The following DRC11 variants were observed in gnomAD, a reference collection of about 807,000 sequenced individuals.
DRC11 encodes the protein dynein regulatory complex subunit 11, also known as IQ and AAA domain-containing protein 1.
At chr2:236,400,324 C>T in the DRC11 span, among the ~76,000 whole-genome samples, 1 of 151,304 alleles carries the variant, frequency 6.6e-6, no homozygotes, top group East Asian at 2.0e-4. This position sits in a 1 kb window ranked among gnomAD's most constrained non-coding sequence, Gnocchi z 7.9. Flanking sequence ...CCATCCTTGG[C>T]TCCTGCTGCT....
chr2:236,381,544 T>C, the DRC11 span, among the ~76,000 whole-genome samples: 1 of 152,202 alleles, frequency 6.6e-6, no homozygotes, highest in Admixed American at 6.5e-5. This position sits in a 1 kb window ranked among gnomAD's most constrained non-coding sequence, Gnocchi z 5.8. Flanking sequence ...AGAACGTTGT[T>C]ATAGCAGTCC....
the DRC11 span, among the ~76,000 whole-genome samples, chr2:236,404,174 A>AAG: frequency 6.6e-6 from 1 of 151,554 alleles, no homozygotes; most frequent in South Asian, 2.1e-4. Context: ...AAAAAAAAAA[A>AAG]AAAAAGAAAA....
chr2:236,357,645 T>TATATA, the DRC11 span, among the ~76,000 whole-genome samples: 1 of 126,676 alleles, frequency 7.9e-6, no homozygotes, highest in Non-Finnish European at 1.5e-5. Flanking sequence ...AATATGTAAA[T>TATATA]ATATAAATTA....
At chr2:236,490,307 G>A in the DRC11 span, among the ~76,000 whole-genome samples, 10 of 152,308 alleles carry the variant, frequency 6.6e-5, no homozygotes, top group African/African-American at 2.2e-4. The surrounding 1 kb of genome is among the most constrained non-coding windows in gnomAD (Gnocchi z 5.5). Context: ...GCAAGGCCCC[G>A]TGGGTAAGAA....
At chr2:236,465,513 G>A in the DRC11 span, 197 of 1,613,580 alleles carry the variant, frequency 1.2e-4, 1 homozygote, top group South Asian at 1.6e-3. The surrounding 1 kb of genome is among the most constrained non-coding windows in gnomAD (Gnocchi z 6.2). Flanking sequence ...ACCTGCATTC[G>A]ATGAACCAAT....
At chr2:236,485,303 TAC>T in the DRC11 span, among the ~76,000 whole-genome samples, 23 of 152,218 alleles carry the variant, frequency 1.5e-4, no homozygotes, top group Admixed American at 5.9e-4. Context: ...CATATACACA[TAC>T]ATACATATTT....
the DRC11 span, among the ~76,000 whole-genome samples, chr2:236,418,013 A>G: frequency 6.6e-6 from 1 of 152,152 alleles, no homozygotes; most frequent in Admixed American, 6.5e-5. Context: ...AGTCTTTGCT[A>G]TTGTAAATAG....
At chr2:236,362,093 G>C in the DRC11 span, among the ~76,000 whole-genome samples, 15 of 152,254 alleles carry the variant, frequency 9.9e-5, no homozygotes, top group East Asian at 2.9e-3. This position sits in a 1 kb window ranked among gnomAD's most constrained non-coding sequence, Gnocchi z 5.7. Flanking sequence ...TCTCATAACA[G>C]TGCTTCAACA....
the DRC11 span, among the ~76,000 whole-genome samples, chr2:236,457,772 T>C: frequency 6.6e-5 from 10 of 152,152 alleles, no homozygotes; most frequent in Admixed American, 2.6e-4. This position sits in a 1 kb window ranked among gnomAD's most constrained non-coding sequence, Gnocchi z 4.7. Flanking sequence ...AGCCAAGGAA[T>C]GCTGGAAGCC....
the DRC11 span, among the ~76,000 whole-genome samples, chr2:236,340,543 G>A: frequency 6.6e-6 from 1 of 152,142 alleles, no homozygotes; most frequent in Non-Finnish European, 1.5e-5. Flanking sequence ...AGCAGGTGGT[G>A]GGAGTGACTG....
chr2:236,397,606 T>C, the DRC11 span, among the ~76,000 whole-genome samples: 1 of 152,210 alleles, frequency 6.6e-6, no homozygotes, highest in Non-Finnish European at 1.5e-5. This position sits in a 1 kb window ranked among gnomAD's most constrained non-coding sequence, Gnocchi z 5.0. Flanking sequence ...GTGTGGGAGT[T>C]ATCTTATAGG....
chr2:236,412,973 G>C, the DRC11 span: 1 of 152,276 alleles, frequency 6.6e-6, no homozygotes, highest in Admixed American at 6.6e-5. Context: ...TCTTGGTCAG[G>C]TGGTTGCCGT....
chr2:236,431,714 T>C, the DRC11 span, among the ~76,000 whole-genome samples: 1 of 152,234 alleles, frequency 6.6e-6, no homozygotes, highest in Admixed American at 6.5e-5. This position sits in a 1 kb window ranked among gnomAD's most constrained non-coding sequence, Gnocchi z 4.2. Context: ...TGTTTCAGTA[T>C]GGCATAACAC....
At chr2:236,468,461 G>A in the DRC11 span, among the ~76,000 whole-genome samples, 1 of 151,996 alleles carries the variant, frequency 6.6e-6, no homozygotes, top group Non-Finnish European at 1.5e-5. Context: ...ATATAAAAGC[G>A]AATATGGAAT....
the DRC11 span, among the ~76,000 whole-genome samples, chr2:236,498,946 A>G: frequency 6.6e-6 from 1 of 152,210 alleles, no homozygotes; most frequent in Non-Finnish European, 1.5e-5. Context: ...GCTTCACTGT[A>G]GAAAGTGGGT....
chr2:236,440,162 G>C, the DRC11 span, among the ~76,000 whole-genome samples: 1 of 152,308 alleles, frequency 6.6e-6, no homozygotes, highest in East Asian at 1.9e-4. Context: ...TGTAAATGGT[G>C]AACCAGTTTA....
the DRC11 span, among the ~76,000 whole-genome samples, chr2:236,492,649 C>G: frequency 6.6e-6 from 1 of 152,180 alleles, no homozygotes; most frequent in Admixed American, 6.5e-5. Context: ...GACATGAAGG[C>G]CAGCCAGAAG....
the DRC11 span, among the ~76,000 whole-genome samples, chr2:236,392,839 C>T: frequency 5.3e-5 from 8 of 152,314 alleles, no homozygotes; most frequent in East Asian, 1.5e-3. This position sits in a 1 kb window ranked among gnomAD's most constrained non-coding sequence, Gnocchi z 5.1. Flanking sequence ...CACAAGTACC[C>T]AGTATTTCTC....
the DRC11 span, among the ~76,000 whole-genome samples, chr2:236,476,771 T>C: frequency 2.2e-3 from 342 of 152,178 alleles, no homozygotes; most frequent in African/African-American, 7.8e-3. The surrounding 1 kb of genome is among the most constrained non-coding windows in gnomAD (Gnocchi z 4.7). Context: ...TTCCAGGGTA[T>C]ATGTGCAGGA....
Sources: gnomAD v4.1 joint callset for allele counts (sites outside exome capture counted in the v4.1 genomes callset) on GRCh38, gnomAD v4.1.1 for gene constraint, Gnocchi (gnomAD v3.1) non-coding constraint, MANE v1.5 for transcripts, NCBI Gene and HGNC (gene_info 2026-07-23, HGNC 2026-07-21) for gene names.